PCDH15: variants seen among roughly 807,000 people sequenced by gnomAD.
PCDH15 encodes the protein protocadherin related 15.
PCDH15 carries 129 observed loss-of-function variants against 178.5 expected under a neutral mutation model. That is an observed-to-expected ratio of 0.72 (90% CI 0.63 to 0.84). The LOEUF is 0.84. Among genes scored for constraint, PCDH15 ranks in the 40% least tolerant of loss-of-function variants. The pLI is 0.00. For synonymous variants in PCDH15, 800 were observed against 732.0 expected, an observed-to-expected ratio of 1.09 and a Z score of -1.50; for missense variants, 2,230 against 2,099.9, an observed-to-expected ratio of 1.06 and a Z score of -1.21.
At chr10:55,209,561 AAC>A (rs1840504123) in intron 1 of PCDH15, among the ~76,000 whole-genome samples, 1 of 152,024 alleles carries the variant, frequency 6.6e-6, no homozygotes, top group Non-Finnish European at 1.5e-5. Context: ...AAACTGTCAT[AAC>A]TTAGTATTGG....
At chr10:54,234,129 CTTCTGT>C (rs1198161931) in intron 9 of PCDH15, among the ~76,000 whole-genome samples, 276 of 109,932 alleles carry the variant, frequency 2.5e-3, no homozygotes, top group African/African-American at 9.0e-3. Context: ...TGGATATCCC[CTTCTGT>C]GTGTGTGTGT....
intron 1 of PCDH15, among the ~76,000 whole-genome samples, chr10:54,719,591 TG>T (rs962610703): frequency 6.6e-6 from 1 of 152,012 alleles, no homozygotes; most frequent in Admixed American, 6.6e-5. Context: ...ATGTGTGCCA[TG>T]GTGATTTGCT....
In PCDH15 at chr10:55,147,912, T is replaced by C. The variant is rs193130495; in HGVS notation, c.-80+18664A>G. Among the ~76,000 whole-genome samples, 22 of 151,934 alleles carry C rather than the reference T, an allele frequency of 1.4e-4. 2 individuals are homozygous for C. In the East Asian group the frequency reaches 4.1e-3, roughly 28 times the overall value. On this transcript the variant is annotated intron_variant, in intron 2 of 5. Coordinates refer to the PCDH15 transcript ENST00000458638. The stretch of plus-strand genomic sequence containing the variant: ...CTCTTCAATTTTGAGGATTAGATTT[T>C]CATATTTCATTTGCTTCTCCCTTGG...
chr10:54,385,932 C>A (rs1949863825), intron 3 of PCDH15, among the ~76,000 whole-genome samples: 1 of 152,058 alleles, frequency 6.6e-6, no homozygotes, highest in Non-Finnish European at 1.5e-5. Context: ...AAATGTTTCA[C>A]CTCCTTGGTT....
Position 54,025,901 on chromosome 10 carries a change from C to T in PCDH15, c.2221-2704G>A, listed in dbSNP as rs73235717. On this transcript the variant is annotated intron_variant, in intron 18 of 37. Coordinates refer to ENST00000644397, the MANE Select transcript of PCDH15 (RefSeq NM_001384140.1). The stretch of plus-strand genomic sequence containing the variant: ...TTATCTTTCTGACCTACTCTTCAGG[C>T]ATCCTCCTTCACTTTTAAGGGCATG... Among the ~76,000 whole-genome samples, 830 of 152,248 alleles carry T rather than the reference C, an allele frequency of 5.5e-3. 8 individuals carry two copies. Among genetic ancestry groups the T allele is most frequent in the Middle Eastern group, 0.048 (14 of 294 alleles).
chr10:54,560,069 G>T (rs2087897523), intron 2 of PCDH15, among the ~76,000 whole-genome samples: 1 of 151,836 alleles, frequency 6.6e-6, no homozygotes, highest in Non-Finnish European at 1.5e-5. Context: ...TATTTGAGCT[G>T]GACATTGGTT....
At chr10:53,909,440 T>C (rs1266496865) in intron 25 of PCDH15, among the ~76,000 whole-genome samples, 2 of 152,196 alleles carry the variant, frequency 1.3e-5, no homozygotes, top group Non-Finnish European at 2.9e-5. Context: ...CTCCCAAGGG[T>C]CCTCTTAAAT....
intron 14 of PCDH15, among the ~76,000 whole-genome samples, chr10:54,140,872 T>C (rs1192947547): frequency 2.6e-5 from 4 of 152,098 alleles, no homozygotes; most frequent in African/African-American, 9.7e-5. Context: ...TTAGTAGAGA[T>C]TGAGTTTCAC....
chr10:54,307,632 T>A (rs2060638072), intron 8 of PCDH15, among the ~76,000 whole-genome samples: 1 of 152,002 alleles, frequency 6.6e-6, no homozygotes, highest in African/African-American at 2.4e-5. Flanking sequence ...AAAGTCATAA[T>A]ATACTGCATA....
At chr10:54,525,826 G>T (rs2132628033) in intron 3 of PCDH15, among the ~76,000 whole-genome samples, 1 of 152,278 alleles carries the variant, frequency 6.6e-6, no homozygotes, top group East Asian at 1.9e-4. Context: ...TGCATGGATT[G>T]TTTCCCTTAG....
Position 53,810,541 on chromosome 10 carries a change from A to G in PCDH15, c.4671+15T>C, listed in dbSNP as rs2075826322. On this transcript the variant is annotated intron_variant, in intron 37 of 37. Coordinates refer to ENST00000644397, the MANE Select transcript of PCDH15 (RefSeq NM_001384140.1). Reference sequence around the variant, plus strand: ...CTTGGAATATTATCTTACATAATAAAATTACAGTAATTACCTCTTCCTCCT... The same window carrying G: ...CTTGGAATATTATCTTACATAATAAGATTACAGTAATTACCTCTTCCTCCT... 1.9e-6 allele frequency: 3 copies of G among 1,600,272 alleles called. No individual in the cohort carries two copies. The highest frequency in any genetic ancestry group is 1.7e-6 in the Non-Finnish European group (2 of 1,168,290).
intron 1 of PCDH15, among the ~76,000 whole-genome samples, chr10:55,308,389 G>C (rs991109359): frequency 1.3e-5 from 2 of 152,194 alleles, no homozygotes; most frequent in South Asian, 4.2e-4. Flanking sequence ...CTTTCCACTC[G>C]TATACCTTCT....
chr10:53,969,561 T>G (rs2089444413), intron 21 of PCDH15, among the ~76,000 whole-genome samples: 1 of 152,134 alleles, frequency 6.6e-6, no homozygotes, highest in Admixed American at 6.5e-5. Context: ...GATTGTCAGA[T>G]TCACCAAAGT....
At chr10:55,369,887 C>G (rs1308899832) in intron 2 of PCDH15, among the ~76,000 whole-genome samples, 1 of 151,742 alleles carries the variant, frequency 6.6e-6, no homozygotes, top group African/African-American at 2.4e-5. Context: ...TGGACTGAGA[C>G]ACATGCTTAT....
At chr10:55,525,343 A>G (rs1202707259) in intron 2 of PCDH15, among the ~76,000 whole-genome samples, 1 of 151,902 alleles carries the variant, frequency 6.6e-6, no homozygotes, top group African/African-American at 2.4e-5. Context: ...GCTATGAACA[A>G]TATGTGAAGA....
chr10:53,822,545 T>G, intron 32 of PCDH15: 1 of 1,613,748 alleles, frequency 6.2e-7, no homozygotes, highest in Non-Finnish European at 8.5e-7. Context: ...AAATATTTCT[T>G]TCGGTTTCAA....
At chr10:55,223,471 T>A (rs1261370214) in intron 1 of PCDH15, among the ~76,000 whole-genome samples, 1 of 152,156 alleles carries the variant, frequency 6.6e-6, no homozygotes, top group East Asian at 1.9e-4. Flanking sequence ...GAATTCCCAA[T>A]GCCTATGACT....
chr10:55,459,479 T>A (rs1439405691), intron 2 of PCDH15, among the ~76,000 whole-genome samples: 1 of 152,072 alleles, frequency 6.6e-6, no homozygotes, highest in African/African-American at 2.4e-5. Flanking sequence ...TTGAATTTTA[T>A]CTGGAGAGAA....
chr10:54,771,464 T>C (rs934226271), intron 1 of PCDH15, among the ~76,000 whole-genome samples: 1 of 152,118 alleles, frequency 6.6e-6, no homozygotes, highest in East Asian at 1.9e-4. Flanking sequence ...TCAAGGTTAT[T>C]ATCATAAGAC....
Sources: allele counts gnomAD v4.1 joint callset (sites outside exome capture counted in the v4.1 genomes callset), GRCh38; gene constraint gnomAD v4.1.1; transcripts MANE v1.5; gene names NCBI Gene and HGNC (gene_info 2026-07-23, HGNC 2026-07-21).